Variants in COL23A1 observed in about 807,000 individuals in gnomAD.
The protein encoded by COL23A1 is collagen alpha-1(XXIII) chain.
COL23A1 carries 97 observed loss-of-function variants against 99.3 expected under a neutral mutation model. The observed-to-expected ratio is 0.98, with a 90% CI of 0.83 to 1.16. The LOEUF is 1.16. Among genes scored for constraint, COL23A1 ranks in the 50% most tolerant of loss-of-function variants. The pLI, the probability that COL23A1 is intolerant of heterozygous loss-of-function variation, is 0.00. For missense variants in COL23A1, 762 were observed against 757.4 expected (o/e 1.01, Z -0.07); for synonymous variants, 320 against 308.2 (o/e 1.04, Z -0.40).
rs1161367206 is a variant in COL23A1 at position 178,355,036 on chromosome 5, A to C, written c.362-48117T>G. ...TCATAGCACCGTACTCCAGCCTGGG[A>C]GACAGGTGAGACTTTGTCTCAAAAA... On this transcript the variant is annotated intron_variant, in intron 2 of 28. Transcript: ENST00000390654. Among the ~76,000 whole-genome samples the C allele has an allele frequency of 5.4e-5, 8 of 149,186 alleles. No homozygotes were observed. The East Asian group carries it at 1.4e-3, about 26-fold the overall frequency.
intron 2 of COL23A1, chr5:178,351,852 C>T (rs1761345430): frequency 1.3e-5 from 2 of 152,178 alleles, no homozygotes; most frequent in African/African-American, 4.8e-5. Context: ...AGGCAGGGCC[C>T]TAACCCCGAA....
chr5:178,240,595 C>T (rs374294685), intron 27 of COL23A1, among the ~76,000 whole-genome samples: 3 of 152,240 alleles, frequency 2.0e-5, no homozygotes, highest in Non-Finnish European at 1.5e-5. Flanking sequence ...GGCCAGGCCC[C>T]GGAGCTGCGG....
chr5:178,257,410 G>T, intron 13 of COL23A1, 113 bp downstream of exon 13: 1 of 1,258,028 alleles, frequency 7.9e-7, no homozygotes, highest in Non-Finnish European at 1.1e-6. Context: ...CCTGCGCTGG[G>T]CACTGGCCTA....
intron 9 of COL23A1, 56 bp from the exon 10 acceptor site, chr5:178,262,308 G>A: frequency 6.5e-7 from 1 of 1,536,816 alleles, no homozygotes. Context: ...ATTGAACTGA[G>A]CCCAAATCTC....
chr5:178,285,934 CG>C (rs1195861656), intron 5 of COL23A1, among the ~76,000 whole-genome samples: 2 of 152,218 alleles, frequency 1.3e-5, no homozygotes, highest in African/African-American at 2.4e-5. Context: ...GGAAGCTGAG[CG>C]GGGTGTCTGC....
intron 2 of COL23A1, among the ~76,000 whole-genome samples, chr5:178,543,146 C>G (rs1231473021): frequency 6.7e-6 from 1 of 149,692 alleles, no homozygotes; most frequent in Non-Finnish European, 1.5e-5. Context: ...TCGCGCTTGT[C>G]GCCCAGGCTG....
intron 5 of COL23A1, among the ~76,000 whole-genome samples, chr5:178,278,395 C>T (rs1187300208): frequency 1.3e-5 from 2 of 152,178 alleles, no homozygotes; most frequent in Non-Finnish European, 2.9e-5. Flanking sequence ...CTTAAAAATG[C>T]AAAGGATTTT....
chr5:178,337,148 G>A (rs1375738499), intron 2 of COL23A1, among the ~76,000 whole-genome samples: 1 of 152,228 alleles, frequency 6.6e-6, no homozygotes, highest in East Asian at 1.9e-4. Flanking sequence ...TGTGGGCCAC[G>A]ACACATTGCG....
Position 178,344,974 on chromosome 5 carries a change from G to A in COL23A1, c.362-38055C>T, listed in dbSNP as rs77516874. ...CAGTGGTTGCTGAGACAGAAGAGGT[G>A]AAAAAGGAACCTATTGCAGTGTGTC... On this transcript the variant is annotated intron_variant, in intron 2 of 28. Transcript: ENST00000390654. 722 of 594,640 alleles carry A rather than the reference G, an allele frequency of 1.2e-3. 6 individuals carry two copies. The African/African-American group carries it at 0.012, about 10-fold the overall frequency. The allele number at this position is 594,640 out of a possible 1,614,324, so 36.8% of individuals were successfully genotyped here.
chr5:178,304,028 G>A (rs1181249987), intron 3 of COL23A1, among the ~76,000 whole-genome samples: 1 of 152,208 alleles, frequency 6.6e-6, no homozygotes, highest in African/African-American at 2.4e-5. Flanking sequence ...CAGCTAAGAA[G>A]CCAGCCAGGG....
rs757921391 is a variant in COL23A1, at chr5:178,261,750, TG to T, written c.676-3del. 1.8e-5 allele frequency: 29 copies of T among 1,607,186 alleles called. No homozygotes were observed. Among genetic ancestry groups the T allele is most frequent in the Middle Eastern group, 1.7e-4 (1 of 6,052 alleles). ...GGGCCCTGGGGGTCCCTTTGGGCCC[TG>T]GAACAAGAGAAGAGAAGGTGTTAAA... On this transcript the variant is annotated splice_polypyrimidine_tract_variant and splice_region_variant and intron_variant, in intron 10 of 28. Coordinates refer to ENST00000390654, the MANE Select transcript of COL23A1 (RefSeq NM_173465.4).
chr5:178,372,855 C>T (rs762447400), intron 2 of COL23A1, among the ~76,000 whole-genome samples: 14 of 152,054 alleles, frequency 9.2e-5, no homozygotes, highest in Non-Finnish European at 1.5e-4. Flanking sequence ...GGATTACAGG[C>T]GTGAGCCACC....
chr5:178,457,839 T>C (rs1050860466), intron 2 of COL23A1, among the ~76,000 whole-genome samples: 2 of 152,218 alleles, frequency 1.3e-5, no homozygotes, highest in Non-Finnish European at 2.9e-5. Flanking sequence ...TAGGTAGCCT[T>C]GAATTTAAAC....
chr5:178,588,188 C>T (rs796912882), intron 1 of COL23A1, among the ~76,000 whole-genome samples: 1 of 152,296 alleles, frequency 6.6e-6, no homozygotes, highest in African/African-American at 2.4e-5. Context: ...CTGTAGTTCA[C>T]CCAGGTAAAA....
At chr5:178,430,580 G>A (rs1006641953) in intron 2 of COL23A1, among the ~76,000 whole-genome samples, 1 of 152,224 alleles carries the variant, frequency 6.6e-6, no homozygotes, top group Non-Finnish European at 1.5e-5. Context: ...GCAGCAGAGT[G>A]AGCACAGAGT....
At chr5:178,422,771 C>T (rs900035155) in intron 2 of COL23A1, among the ~76,000 whole-genome samples, 9 of 152,088 alleles carry the variant, frequency 5.9e-5, no homozygotes, top group African/African-American at 2.2e-4. Context: ...TCTGGCAATA[C>T]AGTTAGGATA....
chr5:178,364,692 C>T (rs528648629), intron 2 of COL23A1, among the ~76,000 whole-genome samples: 11 of 152,320 alleles, frequency 7.2e-5, no homozygotes, highest in South Asian at 6.2e-4. Context: ...CAGAATCACC[C>T]GGACAGCTTT....
At position 178,508,163 on chromosome 5, in the gene COL23A1, AT is replaced by A. The variant is rs372207412; in HGVS notation, c.361+52518del. ...GTTGATACCATCTTTTGAGTTTTTA[AT>A]TTTGGTTTTTGCATTTTTCAGTTCT... On this transcript the variant is annotated intron_variant, in intron 2 of 28. Coordinates refer to ENST00000390654, the MANE Select transcript of COL23A1 (RefSeq NM_173465.4). 2.5e-4 allele frequency among the ~76,000 whole-genome samples: 38 copies of A among 151,160 alleles called. No individual in the cohort carries two copies. The East Asian group carries it at 6.6e-3, about 26-fold the overall frequency.
chr5:178,542,539 G>A (rs1307287911), intron 2 of COL23A1, among the ~76,000 whole-genome samples: 1 of 152,188 alleles, frequency 6.6e-6, no homozygotes, highest in Admixed American at 6.5e-5. Flanking sequence ...GGAAAGAACA[G>A]AAAGACCAGA....
Sources: allele counts gnomAD v4.1 joint callset (sites outside exome capture counted in the v4.1 genomes callset), GRCh38; gene constraint gnomAD v4.1.1; transcripts MANE v1.5; gene names NCBI Gene and HGNC (gene_info 2026-07-23, HGNC 2026-07-21).